PCDHA9: variants seen among roughly 807,000 people sequenced by gnomAD.
PCDHA9 encodes the protein protocadherin alpha-9.
In PCDHA9, 62 loss-of-function variants were observed where a neutral mutation model predicts 62.0. That is an observed-to-expected ratio of 1.00 (90% confidence interval 0.81 to 1.23). PCDHA9 has a LOEUF of 1.23. Ranked by LOEUF, PCDHA9 falls within the 50% of genes most tolerant of loss-of-function variation. The pLI, the probability that PCDHA9 is intolerant of heterozygous loss-of-function variation, is 0.00. For synonymous variants in PCDHA9, 557 were observed against 567.6 expected, an observed-to-expected ratio of 0.98 and a Z score of 0.27; for missense variants, 1,205 against 1,249.8, an observed-to-expected ratio of 0.96 and a Z score of 0.54.
At chr5:140,869,558 T>A in intron 1 of PCDHA9, 1 of 1,614,200 alleles carries the variant, frequency 6.2e-7, no homozygotes, top group Non-Finnish European at 8.5e-7. Flanking sequence ...GACTCGCGTT[T>A]TCCACTAGAG....
chr5:140,875,910 G>A, intron 1 of PCDHA9: 1 of 1,614,172 alleles, frequency 6.2e-7, no homozygotes, highest in South Asian at 1.1e-5. Context: ...CTGAATCTGC[G>A]CCTCTGGACT....
rs116104145 is a variant in PCDHA9, at chr5:140,901,150, A to G, written c.2394+50261A>G. Among the ~76,000 whole-genome samples, 839 of 152,012 alleles carry G rather than the reference A, an allele frequency of 5.5e-3. 12 individuals carry two copies. Among genetic ancestry groups the G allele is most frequent in the African/African-American group, 0.019 (783 of 41,484 alleles). On this transcript the variant is annotated intron_variant, in intron 1 of 3. Transcript: ENST00000532602. ...GGTAGATTGTAAATATTTTCTCTCA[A>G]TCTGTGGGTTGTCTCTTCACTTTGT...
At position 140,871,095 on chromosome 5, in the gene PCDHA9, GC is replaced by G; in HGVS notation, c.2394+20207del. On this transcript the variant is annotated intron_variant, in intron 1 of 3. Coordinates refer to ENST00000532602, the MANE Select transcript of PCDHA9 (RefSeq NM_031857.2). ...CGGCGCTGACGGCCACGGCCACCGT[GC>G]TGGTGTCGTTGGTGGAGAGCGGACA... The G allele has an allele frequency of 4.3e-6, 7 of 1,613,278 alleles. No individual in the cohort carries two copies. In the South Asian group the frequency reaches 5.5e-5, roughly 13 times the overall value.
Position 140,927,187 on chromosome 5 carries a change from C to G in PCDHA9, c.2395-51762C>G, listed in dbSNP as rs558671063. 141 of 1,614,164 alleles carry G rather than the reference C, an allele frequency of 8.7e-5. 1 individual carries two copies. The South Asian group carries it at 1.5e-3, about 17-fold the overall frequency. The stretch of plus-strand genomic sequence containing the variant: ...AGCTGCCTGCGTCTTGACCTACGAC[C>G]TGGTGCTCGAGGACCCGCTGGAGCT... On this transcript the variant is annotated intron_variant, in intron 1 of 3. Transcript: ENST00000532602.
intron 1 of PCDHA9, chr5:140,852,662 C>T: frequency 1.0e-6 from 1 of 963,512 alleles, no homozygotes; most frequent in Non-Finnish European, 1.3e-6. Context: ...ATCTGTCTAT[C>T]AGCACAACTC....
At chr5:140,879,939 T>C (rs1554171083) in intron 1 of PCDHA9, among the ~76,000 whole-genome samples, 1 of 152,194 alleles carries the variant, frequency 6.6e-6, no homozygotes. Flanking sequence ...TGTGATTGTA[T>C]TTAGGGCCCA....
rs782030896 is a variant in PCDHA9, at chr5:140,857,680, G to C, written c.2394+6791G>C. ...CGCGCGATGGGGGCGTGCCGCCTCT[G>C]GGCAGCAACTTGACGCTGCAGGTGT... On this transcript the variant is annotated intron_variant, in intron 1 of 3. Coordinates refer to ENST00000532602, the MANE Select transcript of PCDHA9 (RefSeq NM_031857.2). 20 of 1,597,122 alleles carry C rather than the reference G, an allele frequency of 1.3e-5. 2 individuals are homozygous for C. Among genetic ancestry groups the C allele is most frequent in the South Asian group, 2.2e-5 (2 of 90,508 alleles).
intron 1 of PCDHA9, chr5:140,851,226 A>G (rs2041995732): frequency 3.5e-6 from 4 of 1,139,724 alleles, no homozygotes; most frequent in Non-Finnish European, 4.5e-6. Context: ...CATCACTATC[A>G]TTTATTTATT....
At chr5:140,969,057 T>G in intron 1 of PCDHA9, 2 of 1,614,162 alleles carry the variant, frequency 1.2e-6, no homozygotes, top group Non-Finnish European at 1.7e-6. Context: ...AACAACAATA[T>G]TGATGCCAGG....
chr5:140,929,580 T>A (rs1035039235), intron 1 of PCDHA9: 13 of 442,122 alleles, frequency 2.9e-5, no homozygotes, highest in African/African-American at 1.0e-4. Context: ...AAAAGTAATA[T>A]GACATAAAGG....
chr5:140,856,825 A>C lies in PCDHA9; in HGVS notation c.2394+5936A>C, dbSNP rs782049467. On this transcript the variant is annotated intron_variant, in intron 1 of 3. Coordinates refer to ENST00000532602, the MANE Select transcript of PCDHA9 (RefSeq NM_031857.2). Reference sequence around the variant, plus strand: ...ATGAAAATCAAGTGAACCAAACATTAGTAATACGGCTCAACGCTTCTGATT... The same window carrying C: ...ATGAAAATCAAGTGAACCAAACATTCGTAATACGGCTCAACGCTTCTGATT... 1 of 1,592,052 alleles carries C rather than the reference A, an allele frequency of 6.3e-7. No individual in the cohort carries two copies. The highest frequency in any genetic ancestry group is 1.7e-5 in the Admixed American group (1 of 59,160).
intron 1 of PCDHA9, chr5:140,857,226 C>A (rs1266010631): frequency 6.3e-7 from 1 of 1,598,378 alleles, no homozygotes; most frequent in African/African-American, 1.3e-5. Context: ...CCTCACGTTC[C>A]GTTCAAGCTG....
chr5:140,862,608 A>G (rs565248341), intron 1 of PCDHA9: 1 of 519,626 alleles, frequency 1.9e-6, no homozygotes, highest in East Asian at 5.2e-5. Flanking sequence ...TGTTCGTGAA[A>G]GGTAACAACC....
intron 1 of PCDHA9, chr5:140,876,243 C>A: frequency 6.2e-7 from 1 of 1,613,948 alleles, no homozygotes; most frequent in Non-Finnish European, 8.5e-7. Context: ...ATGTCCAAAA[C>A]GACACAAGAG....
chr5:140,951,840 C>T (rs555935634), intron 1 of PCDHA9, among the ~76,000 whole-genome samples: 2 of 152,190 alleles, frequency 1.3e-5, no homozygotes, highest in African/African-American at 4.8e-5. Flanking sequence ...AGCATTAAGC[C>T]AAAAGTCCAA....
chr5:140,892,304 G>A (rs1301333753), intron 1 of PCDHA9, among the ~76,000 whole-genome samples: 1 of 152,004 alleles, frequency 6.6e-6, no homozygotes, highest in East Asian at 1.9e-4. Context: ...AAATAATTTG[G>A]GGCTTATAAC....
intron 1 of PCDHA9, among the ~76,000 whole-genome samples, chr5:140,904,941 G>A (rs782716792): frequency 7.2e-5 from 11 of 152,102 alleles, no homozygotes; most frequent in Admixed American, 3.9e-4. Context: ...CTGGATATTA[G>A]TCCTTTGTCT....
At chr5:140,877,240 G>A (rs1481558429) in intron 1 of PCDHA9, 2 of 1,613,736 alleles carry the variant, frequency 1.2e-6, no homozygotes, top group Non-Finnish European at 1.7e-6. Context: ...TGCGGGCCAC[G>A]TGGTGGCGAA....
Position 140,870,311 on chromosome 5 carries a change from A to C in PCDHA9, c.2394+19422A>C, listed in dbSNP as rs143855054. The C allele has an allele frequency of 1.9e-6, 3 of 1,614,154 alleles. No homozygotes were observed. In the African/African-American group the frequency reaches 4.0e-5, roughly 22 times the overall value. On this transcript the variant is annotated intron_variant, in intron 1 of 3. Transcript: ENST00000532602. ...AAGCTGGTGTCCACCTTCAAGAATT[A>C]CTACTCGTTGGTGCTGGACAGCGCC...
Sources: gnomAD v4.1 joint callset for allele counts (sites outside exome capture counted in the v4.1 genomes callset) on GRCh38, gnomAD v4.1.1 for gene constraint, MANE v1.5 for transcripts, NCBI Gene and HGNC (gene_info 2026-07-23, HGNC 2026-07-21) for gene names.